TSPEAR: variants seen among roughly 807,000 people sequenced by gnomAD.
TSPEAR encodes thrombospondin type laminin G domain and EAR repeats.
TSPEAR carries 69 observed loss-of-function variants against 71.6 expected under a neutral mutation model. The observed-to-expected ratio is 0.96, with a 90% CI of 0.79 to 1.18. The LOEUF (loss-of-function observed/expected upper bound fraction) is 1.18. Among genes scored for constraint, TSPEAR ranks in the 50% most tolerant of loss-of-function variants. The pLI is 0.00. For missense variants in TSPEAR, 971 were observed against 894.9 expected, an observed-to-expected ratio of 1.09 and a Z score of -1.09; for synonymous variants, 402 against 387.2, an observed-to-expected ratio of 1.04 and a Z score of -0.45.
chr21:44,688,215 T>A (rs1986949061), intron 1 of TSPEAR, among the ~76,000 whole-genome samples: 1 of 151,776 alleles, frequency 6.6e-6, no homozygotes, highest in Non-Finnish European at 1.5e-5. Flanking sequence ...AGAATTGGGG[T>A]ACCCAGCATT....
chr21:44,647,024 G>T lies in TSPEAR; in HGVS notation c.82+64409C>A, dbSNP rs782238984. 6.2e-7 allele frequency: 1 copy of T among 1,612,740 alleles called. No individual in the cohort carries two copies. The highest frequency in any genetic ancestry group is 8.5e-7 in the Non-Finnish European group (1 of 1,179,708). Reference sequence around the variant, plus strand: ...TCCTCCTCCTACCAGCAGGCCTGCTGCGTGCCTGTCTGCTGCAAGACTGTC... The same window carrying T: ...TCCTCCTCCTACCAGCAGGCCTGCTTCGTGCCTGTCTGCTGCAAGACTGTC... On this transcript the variant is annotated intron_variant, in intron 1 of 11. Coordinates refer to ENST00000323084, the MANE Select transcript of TSPEAR (RefSeq NM_144991.3).
In TSPEAR at chr21:44,603,282, G is replaced by A. The variant is rs115260475; in HGVS notation, c.83-35277C>T. Among the ~76,000 whole-genome samples the A allele has an allele frequency of 8.2e-3, 1,241 of 152,222 alleles. 19 individuals are homozygous for A. Among genetic ancestry groups the A allele is most frequent in the African/African-American group, 0.028 (1,173 of 41,526 alleles). On this transcript the variant is annotated intron_variant, in intron 1 of 11. Coordinates refer to ENST00000323084, the MANE Select transcript of TSPEAR (RefSeq NM_144991.3). ...ACCCCGGCCCCTGTGCAGAAGAAATGAGCCAGGCTTCTCTCTGGCACCAGG... is the reference window on the plus strand; with the variant it reads ...ACCCCGGCCCCTGTGCAGAAGAAATAAGCCAGGCTTCTCTCTGGCACCAGG...
chr21:44,601,047 G>T, intron 1 of TSPEAR: 2 of 1,612,708 alleles, frequency 1.2e-6, no homozygotes, highest in Non-Finnish European at 1.7e-6. Flanking sequence ...CTAGCTGCCA[G>T]TCAGCTTGCT....
intron 11 of TSPEAR, among the ~76,000 whole-genome samples, chr21:44,501,306 C>T (rs948880261): frequency 7.2e-5 from 11 of 151,808 alleles, no homozygotes; most frequent in Non-Finnish European, 1.6e-4. Flanking sequence ...AAAAATTAGC[C>T]AGGCATGGGC....
At chr21:44,573,509 C>T (rs1233826464) in intron 1 of TSPEAR, among the ~76,000 whole-genome samples, 11 of 152,308 alleles carry the variant, frequency 7.2e-5, no homozygotes, top group African/African-American at 2.4e-4. Flanking sequence ...CACGCACATG[C>T]GCCCCAGGCC....
At position 44,546,138 on chromosome 21, in the gene TSPEAR, A is replaced by G. The variant is rs1198464871; in HGVS notation, c.304-12215T>C. Among the ~76,000 whole-genome samples the G allele has an allele frequency of 6.6e-6, 1 of 152,252 alleles. No individual in the cohort carries two copies. The highest frequency in any genetic ancestry group is 1.5e-5 in the Non-Finnish European group (1 of 68,046). ...AATAAAAAGGATTATAAGGAATACT[A>G]TGAAAATTTGTACACCAACAAATTA... On this transcript the variant is annotated intron_variant, in intron 2 of 11. Transcript: ENST00000323084. This position sits in a 1 kb window ranked among gnomAD's most constrained non-coding sequence, Gnocchi z 4.4.
At chr21:44,652,965 G>A (rs1984902155) in intron 1 of TSPEAR, among the ~76,000 whole-genome samples, 1 of 151,932 alleles carries the variant, frequency 6.6e-6, no homozygotes. Context: ...AACCATCCTG[G>A]CTAACACGGT....
chr21:44,551,736 G>A (rs2053444500), intron 2 of TSPEAR, among the ~76,000 whole-genome samples: 1 of 152,158 alleles, frequency 6.6e-6, no homozygotes, highest in African/African-American at 2.4e-5. Context: ...GCCCCTGGCT[G>A]AGCCTGTCCC....
At chr21:44,551,474 A>C (rs456478) in intron 2 of TSPEAR, 105,762 of 1,584,960 alleles carry the variant, frequency 0.067, 3,933 homozygotes, top group Middle Eastern at 0.083. Context: ...AGTGGGGAGG[A>C]GGTGAGCTGG....
At chr21:44,561,394 A>G (rs1188790464) in intron 2 of TSPEAR, among the ~76,000 whole-genome samples, 1 of 152,224 alleles carries the variant, frequency 6.6e-6, no homozygotes, top group African/African-American at 2.4e-5. Context: ...GCCAAATTCT[A>G]CCAGAGGTAC....
chr21:44,573,997 G>C lies in TSPEAR; in HGVS notation c.83-5992C>G. The C allele has an allele frequency of 1.9e-6, 3 of 1,612,810 alleles. No individual in the cohort carries two copies. The Admixed American group carries it at 5.0e-5, about 27-fold the overall frequency. On this transcript the variant is annotated intron_variant, in intron 1 of 11. Coordinates refer to ENST00000323084, the MANE Select transcript of TSPEAR (RefSeq NM_144991.3). The stretch of plus-strand genomic sequence containing the variant: ...TGTGAGCCCAGCCCCTGCCAATCAG[G>C]CTGCACCAGCTCCTGCACGCCCTCG...
At chr21:44,604,333 A>C (rs1555929464) in intron 1 of TSPEAR, among the ~76,000 whole-genome samples, 1 of 152,260 alleles carries the variant, frequency 6.6e-6, no homozygotes, top group Non-Finnish European at 1.5e-5. Flanking sequence ...GAATTTATAA[A>C]GAAAACATAA....
rs587602686 is a variant in TSPEAR at position 44,513,569 on chromosome 21, T to C, written c.1567-4183A>G. Among the ~76,000 whole-genome samples, 65 of 152,242 alleles carry C rather than the reference T, an allele frequency of 4.3e-4. 1 individual carries two copies. Among genetic ancestry groups the C allele is most frequent in the Non-Finnish European group, 4.9e-4 (33 of 67,998 alleles). ...GGCCCTGCTGCCCTGGCACGGTGCC[T>C]GGCAGCTCAGGAGCATCTTGCTGGG... On this transcript the variant is annotated intron_variant, in intron 9 of 11. Transcript: ENST00000323084.
intron 1 of TSPEAR, chr21:44,677,290 C>G (rs781868290): frequency 2.5e-6 from 2 of 812,692 alleles, no homozygotes; most frequent in Admixed American, 3.9e-5. Context: ...TTCAACGCAC[C>G]TTGCACTGTG....
chr21:44,627,054 C>T lies in TSPEAR; in HGVS notation c.83-59049G>A. 2.7e-6 allele frequency: 4 copies of T among 1,480,468 alleles called. No individual in the cohort carries two copies. In the Admixed American group the frequency reaches 5.7e-5, roughly 21 times the overall value. The allele number at this position is 1,480,468 out of a possible 1,614,324, so 91.7% of individuals were successfully genotyped here. On this transcript the variant is annotated intron_variant, in intron 1 of 11. Coordinates refer to ENST00000323084, the MANE Select transcript of TSPEAR (RefSeq NM_144991.3). The stretch of plus-strand genomic sequence containing the variant: ...AGCTGTGGGCCCTGGAACAACAAGG[C>T]CAGGAGGGGTATAAAAGCCTGAGAG...
At chr21:44,539,711 C>T (rs2053175316) in intron 2 of TSPEAR, 1 of 1,595,128 alleles carries the variant, frequency 6.3e-7, no homozygotes, top group African/African-American at 1.4e-5. Flanking sequence ...CACAGGCTTG[C>T]AGCAAACAGG....
At position 44,551,293 on chromosome 21, in the gene TSPEAR, G is replaced by A. The variant is rs587654793; in HGVS notation, c.303+16492C>T. The A allele has an allele frequency of 2.6e-5, 42 of 1,613,476 alleles. No homozygotes were observed. The South Asian group carries it at 4.4e-4, about 17-fold the overall frequency. ...GGCTCACAGGCCGCCTGGCAGCAGGGGCTGGACACACAGCTCACTGGGGTG... is the reference window on the plus strand; with the variant it reads ...GGCTCACAGGCCGCCTGGCAGCAGGAGCTGGACACACAGCTCACTGGGGTG... On this transcript the variant is annotated intron_variant, in intron 2 of 11. Transcript: ENST00000323084.
intron 8 of TSPEAR, among the ~76,000 whole-genome samples, chr21:44,523,500 TAGGC>T (rs1319774380): frequency 6.6e-6 from 1 of 151,172 alleles, no homozygotes; most frequent in Non-Finnish European, 1.5e-5. Flanking sequence ...GTCGGTCAGG[TAGGC>T]AGTCAGTCGT....
At chr21:44,532,690 G>T (rs1438218956) in intron 3 of TSPEAR, among the ~76,000 whole-genome samples, 1 of 152,116 alleles carries the variant, frequency 6.6e-6, no homozygotes, top group Non-Finnish European at 1.5e-5. Context: ...AGACAGAAGC[G>T]CAGCCCTGCT....
Sources: allele counts gnomAD v4.1 joint callset (sites outside exome capture counted in the v4.1 genomes callset), GRCh38; gene constraint gnomAD v4.1.1; non-coding constraint Gnocchi (gnomAD v3.1); transcripts MANE v1.5; gene names NCBI Gene and HGNC (gene_info 2026-07-23, HGNC 2026-07-21).